MYLK: variants seen among roughly 807,000 people sequenced by gnomAD.
MYLK encodes myosin light chain kinase, smooth muscle.
Under a neutral mutation model 203.4 loss-of-function variants are expected in MYLK, and 106 were observed. That is an observed-to-expected ratio of 0.52 (90% CI 0.45 to 0.61). The LOEUF (loss-of-function observed/expected upper bound fraction) is 0.61, where lower values mean the gene tolerates loss of function less well. Ranked by LOEUF, MYLK falls within the 20% of genes least tolerant of loss-of-function variation. The probability of loss-of-function intolerance (pLI) is 0.00; values close to 1 mark genes in which losing one functional copy is unlikely to be tolerated. For synonymous variants in MYLK, 867 were observed against 959.5 expected, an observed-to-expected ratio of 0.90 and a Z score of 1.78; for missense variants, 2,072 against 2,442.3, an observed-to-expected ratio of 0.85 and a Z score of 3.20.
chr3:123,688,431 C>G (rs879294158), intron 19 of MYLK, among the ~76,000 whole-genome samples: 5 of 152,098 alleles, frequency 3.3e-5, no homozygotes, highest in Non-Finnish European at 5.9e-5. Context: ...CAACTCATAT[C>G]AGCTCTACAG....
At chr3:123,719,912 G>A (rs188406787) in intron 13 of MYLK, among the ~76,000 whole-genome samples, 28 of 152,320 alleles carry the variant, frequency 1.8e-4, no homozygotes, top group African/African-American at 6.0e-4. Flanking sequence ...AGAGGACAGC[G>A]CAGGGAGCAG....
intron 3 of MYLK, among the ~76,000 whole-genome samples, chr3:123,813,833 A>C (rs1306563168): frequency 6.6e-6 from 1 of 152,140 alleles, no homozygotes; most frequent in Non-Finnish European, 1.5e-5. Flanking sequence ...CTTAAGCACT[A>C]GAGGCAACCA....
At chr3:123,828,620 G>A (rs958449103) in intron 3 of MYLK, among the ~76,000 whole-genome samples, 1 of 152,090 alleles carries the variant, frequency 6.6e-6, no homozygotes, top group African/African-American at 2.4e-5. Context: ...TATATCAAAT[G>A]AAAATGTTTC....
At chr3:123,857,832 A>AG (rs1491091273) in intron 2 of MYLK, among the ~76,000 whole-genome samples, 4 of 151,702 alleles carry the variant, frequency 2.6e-5, no homozygotes, top group African/African-American at 9.7e-5. Flanking sequence ...GAAAAAAAAA[A>AG]TTGTGTGTCA....
At chr3:123,639,129 T>G in intron 28 of MYLK, 1 of 888,622 alleles carries the variant, frequency 1.1e-6, no homozygotes, top group Non-Finnish European at 1.3e-6. Flanking sequence ...TGCCGACTCC[T>G]GAGGACAGTG....
chr3:123,862,766 A>C (rs1389818187), intron 2 of MYLK, among the ~76,000 whole-genome samples: 1 of 152,160 alleles, frequency 6.6e-6, no homozygotes. Context: ...GTTAGGCTTA[A>C]TAACATCCCC....
intron 3 of MYLK, among the ~76,000 whole-genome samples, chr3:123,800,555 C>T (rs1004841014): frequency 6.6e-6 from 1 of 152,126 alleles, no homozygotes; most frequent in African/African-American, 2.4e-5. Flanking sequence ...GACTTTGCCT[C>T]GTTGGTCCAG....
rs1159933254 is a variant in MYLK at position 123,707,740 on chromosome 3, A to C, written c.2390+14T>G. The C allele has an allele frequency of 3.7e-6, 6 of 1,614,116 alleles. No homozygotes were observed. The highest frequency in any genetic ancestry group is 5.1e-6 in the Non-Finnish European group (6 of 1,180,044). On this transcript the variant is annotated intron_variant, in intron 16 of 33. Coordinates refer to ENST00000360304, the MANE Select transcript of MYLK (RefSeq NM_053025.4). ...GGAAGGGTTAAGGGAGGCTGGCTGG[A>C]CATGCAGACTCACTTGAGCAGGATC...
chr3:123,822,908 A>T, intron 3 of MYLK, among the ~76,000 whole-genome samples: 1 of 152,314 alleles, frequency 6.6e-6, no homozygotes, highest in East Asian at 1.9e-4. Context: ...GAGGCAGTTA[A>T]GGGACAGCTT....
intron 2 of MYLK, among the ~76,000 whole-genome samples, chr3:123,859,850 G>A (rs1467382294): frequency 3.3e-5 from 5 of 152,162 alleles, no homozygotes; most frequent in Admixed American, 1.3e-4. Flanking sequence ...TTCTGGTAAC[G>A]TGTGGGGATC....
At chr3:123,745,965 C>A (rs531005775) in intron 5 of MYLK, among the ~76,000 whole-genome samples, 1 of 152,190 alleles carries the variant, frequency 6.6e-6, no homozygotes, top group South Asian at 2.1e-4. Flanking sequence ...TCAAGTGATT[C>A]TCCTGCCTCA....
chr3:123,804,395 A>C (rs1577027109), intron 3 of MYLK, among the ~76,000 whole-genome samples: 1 of 152,044 alleles, frequency 6.6e-6, no homozygotes, highest in African/African-American at 2.4e-5. Flanking sequence ...CTGTGGCAGG[A>C]GTCTGTCCTG....
chr3:123,718,243 C>A (rs1391621130), intron 13 of MYLK, among the ~76,000 whole-genome samples: 1 of 152,148 alleles, frequency 6.6e-6, no homozygotes, highest in Non-Finnish European at 1.5e-5. Flanking sequence ...GCGAGGAATT[C>A]TAGGGAATGC....
At chr3:123,777,437 G>A (rs1001244141) in intron 4 of MYLK, among the ~76,000 whole-genome samples, 7 of 152,194 alleles carry the variant, frequency 4.6e-5, no homozygotes, top group African/African-American at 7.2e-5. Flanking sequence ...TTATAAGCAC[G>A]GGGCTGGCCA....
chr3:123,829,753 T>C (rs1042316079), intron 3 of MYLK, among the ~76,000 whole-genome samples: 3 of 152,202 alleles, frequency 2.0e-5, no homozygotes, highest in African/African-American at 7.2e-5. Context: ...TTAAATTAAA[T>C]TTAAAAAATG....
intron 12 of MYLK, among the ~76,000 whole-genome samples, chr3:123,722,932 C>G (rs2062146779): frequency 6.6e-6 from 1 of 151,066 alleles, no homozygotes; most frequent in Non-Finnish European, 1.5e-5. Context: ...TTCCAGAGTC[C>G]CTTACATGTG....
At chr3:123,622,290 AC>A (rs1385549086) in intron 31 of MYLK, 1 of 151,694 alleles carries the variant, frequency 6.6e-6, no homozygotes, top group Admixed American at 6.6e-5. Flanking sequence ...TAGTTCTCTA[AC>A]CCTAATTGCT....
intron 11 of MYLK, among the ~76,000 whole-genome samples, chr3:123,727,886 G>A (rs61120794): frequency 0.04 from 6,076 of 152,134 alleles, 226 homozygotes; most frequent in South Asian, 0.11. Context: ...TCTTGGGAAG[G>A]GAAACAGACA....
chr3:123,699,731 G>T (rs1395869016), intron 18 of MYLK, among the ~76,000 whole-genome samples: 2 of 152,260 alleles, frequency 1.3e-5, no homozygotes, highest in East Asian at 1.9e-4. Context: ...CCATGAGAGG[G>T]CTCTGCCAGA....
Sources: gnomAD v4.1 joint callset for allele counts (sites outside exome capture counted in the v4.1 genomes callset) on GRCh38, gnomAD v4.1.1 for gene constraint, MANE v1.5 for transcripts, NCBI Gene and HGNC (gene_info 2026-07-23, HGNC 2026-07-21) for gene names.